The following FAM24B variants were observed in gnomAD, a reference collection of about 807,000 sequenced individuals.
FAM24B encodes family with sequence similarity 24 member B.
FAM24B carries 3 observed loss-of-function variants against 2.3 expected under a neutral mutation model. The observed-to-expected ratio is 1.29, with a 90% CI of 0.59 to 3.32. FAM24B has a LOEUF of 3.32. FAM24B is among the 30% of genes most tolerant of loss of function. The pLI is 0.03. For synonymous variants in FAM24B, 36 were observed against 46.3 expected (o/e 0.78, Z 0.90); for missense variants, 98 against 117.2 (o/e 0.84, Z 0.76).
chr10:122,870,917 T>C (rs1847886275), intron 1 of FAM24B, among the ~76,000 whole-genome samples: 1 of 152,126 alleles, frequency 6.6e-6, no homozygotes. Context: ...TTCAACATAG[T>C]GTTGGAAGCT....
intron 1 of FAM24B, among the ~76,000 whole-genome samples, chr10:122,872,755 G>T (rs1414280560): frequency 6.6e-6 from 1 of 152,046 alleles, no homozygotes; most frequent in African/African-American, 2.4e-5. Flanking sequence ...ATGGACACAG[G>T]AAGGGGAACA....
rs1229300445 is a variant in FAM24B at position 122,857,460 on chromosome 10, T to C, written c.-177-1674A>G. 2.6e-5 allele frequency among the ~76,000 whole-genome samples: 4 copies of C among 152,242 alleles called. No individual in the cohort carries two copies. The South Asian group carries it at 6.2e-4, about 24-fold the overall frequency. On this transcript the variant is annotated intron_variant, in intron 1 of 3. Transcript: ENST00000368898. ...CAATTCAATTTTCACTATTCTTTCT[T>C]GCTATTACATAAGTCAGTCTTTAAA...
chr10:122,860,340 A>G (rs145594500), intron 1 of FAM24B, among the ~76,000 whole-genome samples: 2,353 of 152,310 alleles, frequency 0.015, 32 homozygotes, highest in Middle Eastern at 0.048. Flanking sequence ...AATGCATTTA[A>G]TATTTGTATA....
At chr10:122,878,658 C>CA (rs1297981357) in intron 1 of FAM24B, among the ~76,000 whole-genome samples, 1 of 151,786 alleles carries the variant, frequency 6.6e-6, no homozygotes, top group Admixed American at 6.6e-5. Context: ...GACTATCAAC[C>CA]AGTAAAGAAA....
chr10:122,873,455 C>T (rs1188471334), intron 1 of FAM24B, among the ~76,000 whole-genome samples: 2 of 152,242 alleles, frequency 1.3e-5, no homozygotes, highest in Non-Finnish European at 2.9e-5. Context: ...CCTTTCAATA[C>T]ATTAGTGCTA....
intron 1 of FAM24B, among the ~76,000 whole-genome samples, chr10:122,867,101 A>C (rs1414620300): frequency 6.6e-6 from 1 of 152,234 alleles, no homozygotes; most frequent in Non-Finnish European, 1.5e-5. Flanking sequence ...AGTGGTCTGG[A>C]TAGAAAATCA....
chr10:122,850,397 G>T (rs1307675628), intron 3 of FAM24B, 27 bp downstream of exon 3: 1 of 1,575,756 alleles, frequency 6.3e-7, no homozygotes, highest in Non-Finnish European at 8.7e-7. Context: ...ACTTTAGTAC[G>T]TTGTTTATTT....
intron 1 of FAM24B, among the ~76,000 whole-genome samples, chr10:122,867,542 A>T (rs1847821369): frequency 6.6e-6 from 1 of 152,192 alleles, no homozygotes; most frequent in African/African-American, 2.4e-5. Context: ...GGCACCCCCT[A>T]GTAGGAGCGG....
At chr10:122,878,955 C>T (rs1429873842) in intron 1 of FAM24B, among the ~76,000 whole-genome samples, 1 of 152,066 alleles carries the variant, frequency 6.6e-6, no homozygotes, top group East Asian at 1.9e-4. Context: ...TGACATGTAT[C>T]AAAGTTAACT....
intron 1 of FAM24B, among the ~76,000 whole-genome samples, chr10:122,877,146 G>A (rs1218973427): frequency 6.6e-6 from 1 of 152,014 alleles, no homozygotes; most frequent in Non-Finnish European, 1.5e-5. Flanking sequence ...TGCCATTCAC[G>A]ACAAGAGTAA....
At chr10:122,874,200 G>A (rs1375700393) in intron 1 of FAM24B, among the ~76,000 whole-genome samples, 1 of 152,152 alleles carries the variant, frequency 6.6e-6, no homozygotes, top group Non-Finnish European at 1.5e-5. Context: ...GTCAATTACT[G>A]ATCCAGGGTT....
intron 1 of FAM24B, among the ~76,000 whole-genome samples, chr10:122,858,148 C>A (rs180769465): frequency 6.6e-6 from 1 of 152,142 alleles, no homozygotes; most frequent in Non-Finnish European, 1.5e-5. Context: ...GACTTGGAAC[C>A]AACCCAAATG....
intron 1 of FAM24B, among the ~76,000 whole-genome samples, chr10:122,871,766 C>T (rs1455173506): frequency 2.0e-5 from 3 of 151,980 alleles, no homozygotes; most frequent in African/African-American, 2.4e-5. Context: ...CCCTTCCTTA[C>T]ACCTTATACA....
chr10:122,878,610 G>A (rs945821548), intron 1 of FAM24B, among the ~76,000 whole-genome samples: 1 of 151,988 alleles, frequency 6.6e-6, no homozygotes, highest in East Asian at 1.9e-4. Context: ...AAAGATTAGA[G>A]GGCAGTGCAG....
intron 1 of FAM24B, among the ~76,000 whole-genome samples, chr10:122,858,473 A>G (rs1373152873): frequency 1.1e-4 from 16 of 152,034 alleles, no homozygotes; most frequent in Admixed American, 1.0e-3. Context: ...TAATGGGTGC[A>G]GCACACCAAC....
Position 122,850,081 on chromosome 10 carries a change from A to G in FAM24B, c.92+343T>C, listed in dbSNP as rs79978027. Among the ~76,000 whole-genome samples, 669 of 152,302 alleles carry G rather than the reference A, an allele frequency of 4.4e-3. 6 individuals are homozygous for G. The highest frequency in any genetic ancestry group is 0.016 in the African/African-American group (652 of 41,572). ...CTCCCCCACAGAATCTGCAGCCTAC[A>G]GTGCCCAGGACAGAGGGAGTCTTGG... On this transcript the variant is annotated intron_variant, in intron 3 of 3. Transcript: ENST00000368898.
chr10:122,877,827 GCC>G (rs1848000596), intron 1 of FAM24B, among the ~76,000 whole-genome samples: 1 of 152,120 alleles, frequency 6.6e-6, no homozygotes, highest in Non-Finnish European at 1.5e-5. Context: ...GATTGAATTT[GCC>G]AGTTTCACCT....
At chr10:122,872,544 C>T (rs1847913971) in intron 1 of FAM24B, among the ~76,000 whole-genome samples, 1 of 152,050 alleles carries the variant, frequency 6.6e-6, no homozygotes, top group African/African-American at 2.4e-5. Context: ...CCCAAATGTC[C>T]AACAATGATA....
chr10:122,857,124 G>A (rs1847653337), intron 1 of FAM24B, among the ~76,000 whole-genome samples: 1 of 152,196 alleles, frequency 6.6e-6, no homozygotes, highest in Non-Finnish European at 1.5e-5. Flanking sequence ...TCCCAGGCTA[G>A]GAGTAAAGCC....
Sources: allele counts gnomAD v4.1 joint callset (sites outside exome capture counted in the v4.1 genomes callset), GRCh38; gene constraint gnomAD v4.1.1; transcripts MANE v1.5; gene names NCBI Gene and HGNC (gene_info 2026-07-23, HGNC 2026-07-21).